DLG2: variants seen among roughly 807,000 people sequenced by gnomAD.
The protein encoded by DLG2 is disks large homolog 2.
In DLG2, 45 loss-of-function variants were observed where a neutral mutation model predicts 132.5. The observed-to-expected ratio is 0.34, with a 90% confidence interval of 0.27 to 0.44. DLG2 has a LOEUF of 0.44. Among genes scored for constraint, DLG2 ranks in the 20% least tolerant of loss-of-function variants. The pLI, the probability that DLG2 is intolerant of heterozygous loss-of-function variation, is 1.00. For synonymous variants in DLG2, 424 were observed against 419.6 expected, an observed-to-expected ratio of 1.01 and a Z score of -0.13; for missense variants, 1,045 against 1,196.9, an observed-to-expected ratio of 0.87 and a Z score of 1.87.
At chr11:84,485,476 T>C (rs2099148358) in intron 7 of DLG2, among the ~76,000 whole-genome samples, 1 of 152,186 alleles carries the variant, frequency 6.6e-6, no homozygotes. Flanking sequence ...GTCATTGAAC[T>C]AATCAATATA....
At chr11:83,613,653 C>T (rs573628027) in intron 19 of DLG2, among the ~76,000 whole-genome samples, 2 of 152,256 alleles carry the variant, frequency 1.3e-5, no homozygotes, top group South Asian at 4.1e-4. Context: ...AACTGGCCTT[C>T]TCATTAGCTA....
Position 85,582,091 on chromosome 11 carries a change from T to C in DLG2, c.40+16566A>G, listed in dbSNP as rs113722744. Among the ~76,000 whole-genome samples, 11 of 152,300 alleles carry C rather than the reference T, an allele frequency of 7.2e-5. 1 individual carries two copies. The highest frequency in any genetic ancestry group is 2.4e-4 in the African/African-American group (10 of 41,562). The stretch of plus-strand genomic sequence containing the variant: ...ACAGGTTGATGAAGAGGCTGATTTT[T>C]GCCCCCCAATGAAGAGAAAAACAAA... On this transcript the variant is annotated intron_variant, in intron 3 of 27. Transcript: ENST00000376104.
intron 19 of DLG2, among the ~76,000 whole-genome samples, chr11:83,552,925 T>G (rs2096428122): frequency 1.3e-5 from 2 of 152,230 alleles, no homozygotes; most frequent in African/African-American, 4.8e-5. Flanking sequence ...AGAAGGCTAT[T>G]TCTTCCACTC....
chr11:83,549,314 G>A (rs1038413256), intron 19 of DLG2, among the ~76,000 whole-genome samples: 12 of 152,120 alleles, frequency 7.9e-5, no homozygotes, highest in Non-Finnish European at 1.5e-4. Context: ...GAAACACACG[G>A]TTAAGTCAGT....
chr11:85,549,148 G>A (rs550364503), intron 3 of DLG2, among the ~76,000 whole-genome samples: 27 of 152,160 alleles, frequency 1.8e-4, no homozygotes, highest in Non-Finnish European at 3.7e-4. Flanking sequence ...TCCTGGGTCC[G>A]CAGGTTGTGA....
At position 84,148,805 on chromosome 11, in the gene DLG2, C is replaced by T. The variant is rs912604210; in HGVS notation, c.624+14656G>A. On this transcript the variant is annotated intron_variant, in intron 9 of 27. Coordinates refer to ENST00000376104, the MANE Select transcript of DLG2 (RefSeq NM_001142699.3). Reference sequence around the variant, plus strand: ...TGAGAAATCTCCAAACTGCTCTTCACGGTGGCTGAAGTAATTTACATTCCC... The same window carrying T: ...TGAGAAATCTCCAAACTGCTCTTCATGGTGGCTGAAGTAATTTACATTCCC... 3.7e-4 allele frequency among the ~76,000 whole-genome samples: 56 copies of T among 152,160 alleles called. 1 individual carries two copies. Among genetic ancestry groups the T allele is most frequent in the Admixed American group, 2.9e-3 (44 of 15,276 alleles).
intron 19 of DLG2, among the ~76,000 whole-genome samples, chr11:83,551,421 C>T (rs1051416305): frequency 1.3e-5 from 2 of 152,114 alleles, no homozygotes; most frequent in African/African-American, 2.4e-5. Flanking sequence ...ACTCGTTTTA[C>T]TCATGAGTAT....
chr11:85,322,765 C>T (rs1453698676), intron 3 of DLG2, among the ~76,000 whole-genome samples: 18 of 152,130 alleles, frequency 1.2e-4, no homozygotes, highest in Admixed American at 1.2e-3. Flanking sequence ...CTCTCTGCCA[C>T]TTCCCCCTCT....
intron 3 of DLG2, among the ~76,000 whole-genome samples, chr11:85,346,898 G>A (rs995784676): frequency 1.3e-5 from 2 of 152,078 alleles, no homozygotes; most frequent in Non-Finnish European, 2.9e-5. Context: ...AGGATTTGTA[G>A]AATGGGGTTG....
chr11:83,583,728 T>C (rs946845828), intron 19 of DLG2, among the ~76,000 whole-genome samples: 2 of 152,234 alleles, frequency 1.3e-5, no homozygotes, highest in Non-Finnish European at 2.9e-5. Flanking sequence ...AACTATTCTC[T>C]CACATCACCT....
At chr11:85,093,993 G>A (rs962723396) in intron 6 of DLG2, among the ~76,000 whole-genome samples, 2 of 152,200 alleles carry the variant, frequency 1.3e-5, no homozygotes, top group African/African-American at 4.8e-5. Flanking sequence ...CAACTAATAT[G>A]ATGCAGCTAT....
chr11:83,978,171 G>GTT (rs761888785), intron 12 of DLG2, among the ~76,000 whole-genome samples: 1 of 142,732 alleles, frequency 7.0e-6, no homozygotes, highest in Non-Finnish European at 1.5e-5. Flanking sequence ...TTTGGAGCAA[G>GTT]TTTTTTTTTT....
rs746547416 is a variant in DLG2, at chr11:84,217,015, A to G, written c.573+34223T>C. On this transcript the variant is annotated intron_variant, in intron 8 of 27. Coordinates refer to ENST00000376104, the MANE Select transcript of DLG2 (RefSeq NM_001142699.3). ...GGAAGGAAAAAAGTTTGATTATTTA[A>G]AAACCACTAATTGTCATTAGTTTAT... Among the ~76,000 whole-genome samples, 6 of 152,336 alleles carry G rather than the reference A, an allele frequency of 3.9e-5. No homozygotes were observed. The South Asian group carries it at 1.2e-3, about 32-fold the overall frequency.
At chr11:84,560,449 G>A (rs1261925435) in intron 6 of DLG2, among the ~76,000 whole-genome samples, 1 of 152,134 alleles carries the variant, frequency 6.6e-6, no homozygotes, top group Non-Finnish European at 1.5e-5. Context: ...TTAATTGGAA[G>A]TAGAAGAACT....
chr11:84,393,486 A>G (rs1421444350), intron 7 of DLG2, among the ~76,000 whole-genome samples: 2 of 152,162 alleles, frequency 1.3e-5, no homozygotes, highest in African/African-American at 4.8e-5. Context: ...CTTTGACAAT[A>G]TAGTACAGTT....
intron 6 of DLG2, among the ~76,000 whole-genome samples, chr11:84,748,844 T>C (rs1448303714): frequency 6.6e-6 from 1 of 152,114 alleles, no homozygotes; most frequent in Non-Finnish European, 1.5e-5. Context: ...TCAGGGAAGC[T>C]AGAACAAATT....
In DLG2 at chr11:85,583,058, ATATAT is replaced by A. The variant is rs1377263443; in HGVS notation, c.40+15594_40+15598del. Among the ~76,000 whole-genome samples the A allele has an allele frequency of 1.2e-3, 93 of 76,586 alleles. 1 individual carries two copies. The highest frequency in any genetic ancestry group is 5.5e-3 in the African/African-American group (86 of 15,508). The allele number at this position is 76,586 out of a possible 152,430, so 50.2% of individuals were successfully genotyped here. Reference sequence around the variant, plus strand: ...AACTAGAAACCAGGGGAAAAAAAAAATATATATATATATATATATAATATATGTGA... The same window carrying A: ...AACTAGAAACCAGGGGAAAAAAAAAAATATATATATATATAATATATGTGA... On this transcript the variant is annotated intron_variant, in intron 3 of 27. Transcript: ENST00000376104.
chr11:84,287,135 T>C (rs2097917613), intron 7 of DLG2, among the ~76,000 whole-genome samples: 1 of 152,240 alleles, frequency 6.6e-6, no homozygotes, highest in Non-Finnish European at 1.5e-5. Context: ...ATTATCTGTC[T>C]TCTTTACATG....
intron 6 of DLG2, among the ~76,000 whole-genome samples, chr11:85,064,921 C>T (rs1319060396): frequency 6.6e-6 from 1 of 151,506 alleles, no homozygotes; most frequent in Non-Finnish European, 1.5e-5. Context: ...TCCTTCCCCA[C>T]CCCACGTTTG....
Sources: allele counts gnomAD v4.1 joint callset (sites outside exome capture counted in the v4.1 genomes callset), GRCh38; gene constraint gnomAD v4.1.1; transcripts MANE v1.5; gene names NCBI Gene and HGNC (gene_info 2026-07-23, HGNC 2026-07-21).